Variants in PRIM2 observed in about 807,000 individuals in gnomAD.
PRIM2 encodes DNA primase subunit 2.
Under a neutral mutation model 67.3 loss-of-function variants are expected in PRIM2, and 39 were observed. That is an observed-to-expected ratio of 0.58 (90% CI 0.45 to 0.76). The LOEUF (loss-of-function observed/expected upper bound fraction) is 0.76. Among genes scored for constraint, PRIM2 ranks in the 30% least tolerant of loss-of-function variants. The pLI, the probability that PRIM2 is intolerant of heterozygous loss-of-function variation, is 0.00. For missense variants in PRIM2, 398 were observed against 598.7 expected (o/e 0.66, Z 3.50); for synonymous variants, 143 against 198.7 (o/e 0.72, Z 2.36).
At chr6:57,531,485 T>G (rs1296252758) in intron 8 of PRIM2, among the ~76,000 whole-genome samples, 1 of 152,172 alleles carries the variant, frequency 6.6e-6, no homozygotes, top group Non-Finnish European at 1.5e-5. Context: ...TAGCAGCTGT[T>G]TTTTGCTATG....
At chr6:57,271,790 C>T in the PRIM2 span, among the ~76,000 whole-genome samples, 1 of 152,214 alleles carries the variant, frequency 6.6e-6, no homozygotes, top group Non-Finnish European at 1.5e-5. Flanking sequence ...CTTCTACACA[C>T]TGCTTTGAAT....
chr6:57,486,023 G>C (rs1404786683), intron 7 of PRIM2, among the ~76,000 whole-genome samples: 4 of 152,182 alleles, frequency 2.6e-5, no homozygotes, highest in African/African-American at 9.7e-5. Context: ...AGATGGAAAA[G>C]TTAAATAGGT....
chr6:57,301,390 G>A, the PRIM2 span, among the ~76,000 whole-genome samples: 5 of 152,188 alleles, frequency 3.3e-5, no homozygotes, highest in East Asian at 1.9e-4. Flanking sequence ...GGTAGGCTGC[G>A]GCAGGAGAAT....
intron 5 of PRIM2, among the ~76,000 whole-genome samples, chr6:57,337,970 T>C (rs1209107840): frequency 6.7e-6 from 1 of 150,158 alleles, no homozygotes; most frequent in Non-Finnish European, 1.5e-5. Flanking sequence ...GCAAGACTAA[T>C]AAAGAAAAAA....
At chr6:57,444,566 C>CA (rs66824143) in intron 7 of PRIM2, among the ~76,000 whole-genome samples, 2,377 of 104,896 alleles carry the variant, frequency 0.023, 38 homozygotes, top group African/African-American at 0.049. Flanking sequence ...GATTCCATCT[C>CA]AAAAAAAAAA....
At chr6:57,527,333 C>A (rs1774778318) in intron 8 of PRIM2, among the ~76,000 whole-genome samples, 1 of 152,192 alleles carries the variant, frequency 6.6e-6, no homozygotes, top group Non-Finnish European at 1.5e-5. Flanking sequence ...AAAGTGAAAT[C>A]TTGGCTTGGA....
intron 7 of PRIM2, among the ~76,000 whole-genome samples, chr6:57,452,571 A>G (rs1220253827): frequency 5.3e-5 from 8 of 152,218 alleles, no homozygotes; most frequent in Admixed American, 1.3e-4. Context: ...TTTTGGCTGC[A>G]TAAATGTCTT....
intron 7 of PRIM2, among the ~76,000 whole-genome samples, chr6:57,501,700 C>T (rs1193625533): frequency 2.0e-5 from 3 of 152,202 alleles, no homozygotes; most frequent in Non-Finnish European, 4.4e-5. Context: ...CCAGGAGCTA[C>T]AAGTTATTTA....
At chr6:57,302,833 G>C in the PRIM2 span, among the ~76,000 whole-genome samples, 1 of 152,140 alleles carries the variant, frequency 6.6e-6, no homozygotes, top group African/African-American at 2.4e-5. Context: ...AAAGAAGATC[G>C]TTTTCTAAGA....
chr6:57,501,200 GAA>G (rs1424687578), intron 7 of PRIM2, among the ~76,000 whole-genome samples: 2 of 152,002 alleles, frequency 1.3e-5, no homozygotes, highest in Non-Finnish European at 2.9e-5. Flanking sequence ...AGTCTAAAAA[GAA>G]AAAATATTTT....
intron 5 of PRIM2, 50 bp downstream of exon 5, chr6:57,326,095 C>T: frequency 2.5e-6 from 4 of 1,595,248 alleles, no homozygotes; most frequent in Non-Finnish European, 3.4e-6. Context: ...ATTCATTTTT[C>T]CCTTCTGTCT....
intron 7 of PRIM2, among the ~76,000 whole-genome samples, chr6:57,442,997 G>C (rs1301081552): frequency 6.6e-6 from 1 of 152,028 alleles, no homozygotes; most frequent in African/African-American, 2.4e-5. Context: ...GATTATTTTA[G>C]ATTCCCCATG....
chr6:57,566,037 TTC>T (rs1227792275), intron 10 of PRIM2, among the ~76,000 whole-genome samples: 3 of 152,166 alleles, frequency 2.0e-5, no homozygotes, highest in African/African-American at 7.2e-5. Context: ...ACCTCTCCTT[TTC>T]TCTCTCCTTT....
chr6:57,455,010 A>T (rs1045696418), intron 7 of PRIM2, among the ~76,000 whole-genome samples: 1 of 151,956 alleles, frequency 6.6e-6, no homozygotes, highest in African/African-American at 2.4e-5. Flanking sequence ...GGTTTCAAAG[A>T]CCATCTTTAT....
chr6:57,301,151 T>C, the PRIM2 span, among the ~76,000 whole-genome samples: 9 of 152,292 alleles, frequency 5.9e-5, no homozygotes, highest in Non-Finnish European at 8.8e-5. Context: ...GAAACCCAGG[T>C]TGGCCCTGAG....
chr6:57,302,208 T>C, the PRIM2 span, among the ~76,000 whole-genome samples: 2 of 152,248 alleles, frequency 1.3e-5, no homozygotes, highest in South Asian at 2.1e-4. Context: ...ATCTGCTAAG[T>C]AATTTTGTTA....
chr6:57,556,791 C>T (rs1406137170), intron 10 of PRIM2, among the ~76,000 whole-genome samples: 1 of 152,170 alleles, frequency 6.6e-6, no homozygotes, highest in Non-Finnish European at 1.5e-5. Context: ...TCTAATTAAA[C>T]TTAAGAGCTT....
chr6:57,570,961 T>G (rs1157115251), intron 10 of PRIM2, among the ~76,000 whole-genome samples: 1 of 152,142 alleles, frequency 6.6e-6, no homozygotes, highest in South Asian at 2.1e-4. Context: ...CAGCAAGATA[T>G]GCACAGGGGC....
At chr6:57,423,762 G>C (rs1364084882) in intron 7 of PRIM2, among the ~76,000 whole-genome samples, 2 of 152,190 alleles carry the variant, frequency 1.3e-5, no homozygotes, top group Non-Finnish European at 2.9e-5. Flanking sequence ...GTGCTGCCTG[G>C]TGGGTATATC....
Sources: gnomAD v4.1 joint callset for allele counts (sites outside exome capture counted in the v4.1 genomes callset) on GRCh38, gnomAD v4.1.1 for gene constraint, MANE v1.5 for transcripts, NCBI Gene and HGNC (gene_info 2026-07-23, HGNC 2026-07-21) for gene names.